FHIP2A: variants seen among roughly 807,000 people sequenced by gnomAD.
The protein encoded by FHIP2A is family with sequence similarity 160 member B1.
Under a neutral mutation model 93.5 loss-of-function variants are expected in FHIP2A, and 46 were observed. That is an observed-to-expected ratio of 0.49 (90% CI 0.39 to 0.63). FHIP2A has a LOEUF of 0.63. Ranked by LOEUF, FHIP2A falls within the 20% of genes least tolerant of loss-of-function variation. FHIP2A has a pLI of 0.00. For synonymous variants in FHIP2A, 332 were observed against 326.5 expected, an observed-to-expected ratio of 1.02 and a Z score of -0.18; for missense variants, 769 against 909.7, an observed-to-expected ratio of 0.85 and a Z score of 1.99.
chr10:114,875,268 AGC>A (rs2083879204), intron 16 of FHIP2A, among the ~76,000 whole-genome samples: 1 of 152,200 alleles, frequency 6.6e-6, no homozygotes, highest in Non-Finnish European at 1.5e-5. Context: ...TTATTACTTA[AGC>A]GATTGATCGT....
chr10:114,836,055 G>T, intron 4 of FHIP2A, 69 bp from the exon 5 acceptor site: 2 of 1,233,976 alleles, frequency 1.6e-6, no homozygotes, highest in South Asian at 3.1e-5. Context: ...TAAGGTAAAT[G>T]AATGGTTATT....
chr10:114,871,019 CAT>C (rs35061998), intron 16 of FHIP2A, among the ~76,000 whole-genome samples: 47,795 of 148,962 alleles, frequency 0.32, 8,161 homozygotes, highest in South Asian at 0.39. Flanking sequence ...TTAGCCTCCA[CAT>C]ATATATATAT....
At chr10:114,873,001 A>G (rs954633056) in intron 16 of FHIP2A, among the ~76,000 whole-genome samples, 1 of 152,212 alleles carries the variant, frequency 6.6e-6, no homozygotes, top group African/African-American at 2.4e-5. Context: ...CAAAGGAGGA[A>G]CATTACTGTA....
chr10:114,854,653 T>A (rs1262095392), intron 13 of FHIP2A, among the ~76,000 whole-genome samples: 1 of 152,234 alleles, frequency 6.6e-6, no homozygotes. Context: ...TGTCCTCATC[T>A]CATTGTGGAC....
chr10:114,868,863 G>A (rs1313214043), downstream of FHIP2A, among the ~76,000 whole-genome samples: 2 of 152,158 alleles, frequency 1.3e-5, no homozygotes, highest in African/African-American at 4.8e-5. Context: ...CAGTTTAGAG[G>A]ATCCAAACAA....
intron 13 of FHIP2A, among the ~76,000 whole-genome samples, chr10:114,850,431 T>G (rs990615150): frequency 5.9e-5 from 9 of 152,190 alleles, no homozygotes; most frequent in Admixed American, 5.9e-4. Context: ...CCCGGCCAAG[T>G]GTGGTGTCTC....
intron 13 of FHIP2A, 128 bp downstream of exon 13, chr10:114,848,865 G>T: frequency 1.6e-6 from 1 of 640,272 alleles, no homozygotes; most frequent in South Asian, 1.9e-5. Flanking sequence ...GACCTGGGCC[G>T]GGTGCAGTGT....
intron 1 of FHIP2A, among the ~76,000 whole-genome samples, chr10:114,825,175 A>G (rs972174256): frequency 1.3e-5 from 2 of 151,846 alleles, no homozygotes; most frequent in Non-Finnish European, 2.9e-5. Flanking sequence ...GCACCACCAC[A>G]CTCAATTTTT....
In FHIP2A at chr10:114,855,184, T is replaced by G; in HGVS notation, c.1804-13T>G. On this transcript the variant is annotated splice_polypyrimidine_tract_variant and intron_variant, in intron 13 of 16. Coordinates refer to ENST00000369248, the MANE Select transcript of FHIP2A (RefSeq NM_020940.4). ...TTTGTTCTTTAATGATTCACATGCT[T>G]TTTTCCCCCTAGTTCCGAGACTACT... is the stretch of plus-strand genomic sequence containing the variant. 9 of 1,596,458 alleles carry G rather than the reference T, an allele frequency of 5.6e-6. No individual in the cohort carries two copies. Among genetic ancestry groups the G allele is most frequent in the Non-Finnish European group, 7.7e-6 (9 of 1,173,220 alleles).
chr10:114,844,243 C>T (rs2083687056), intron 7 of FHIP2A, among the ~76,000 whole-genome samples: 1 of 152,134 alleles, frequency 6.6e-6, no homozygotes, highest in African/African-American at 2.4e-5. Flanking sequence ...AAGAAGGAAT[C>T]TCCTTTTAAA....
At chr10:114,870,555 CAT>C (rs1017171451) in intron 16 of FHIP2A, among the ~76,000 whole-genome samples, 1 of 152,130 alleles carries the variant, frequency 6.6e-6, no homozygotes, top group Non-Finnish European at 1.5e-5. Flanking sequence ...CAGCTAGACA[CAT>C]AAAACACTGT....
intron 5 of FHIP2A, among the ~76,000 whole-genome samples, chr10:114,841,289 T>C (rs1426377075): frequency 7.5e-6 from 1 of 132,532 alleles, no homozygotes; most frequent in Non-Finnish European, 1.6e-5. Flanking sequence ...TGATATGCCA[T>C]TGGTTTTTTT....
intron 12 of FHIP2A, 56 bp downstream of exon 12, chr10:114,847,289 T>C (rs2083707378): frequency 6.7e-7 from 1 of 1,502,538 alleles, no homozygotes; most frequent in South Asian, 1.2e-5. Flanking sequence ...TTTTTGTTTA[T>C]TAGTATTATT....
Position 114,862,430 on chromosome 10 carries a change from G to A in FHIP2A, c.*890G>A, listed in dbSNP as rs2083806116. The A allele has an allele frequency of 1.0e-6, 1 of 987,488 alleles. No individual in the cohort carries two copies. The highest frequency in any genetic ancestry group is 1.2e-6 in the Non-Finnish European group (1 of 830,110). 61.2% of individuals were successfully genotyped at this position (987,488 alleles called of 1,614,324 possible). ...TTTGATTTTCTTACTGAAACGCATG[G>A]TGGTGTCTAGGTGGGGAACTGACTG... On this transcript the variant is annotated 3_prime_UTR_variant, in exon 17 of 17. Transcript: ENST00000369248.
chr10:114,861,026 C>A, intron 15 of FHIP2A, 137 bp downstream of exon 15: 2 of 1,031,892 alleles, frequency 1.9e-6, no homozygotes, highest in Non-Finnish European at 2.8e-6. Flanking sequence ...ACATTCTGAA[C>A]TACTATTTTT....
At position 114,872,904 on chromosome 10, in the gene FHIP2A, A is replaced by G. The variant is rs568630327; in HGVS notation, c.2192+11570A>G. Among the ~76,000 whole-genome samples, 3 of 152,364 alleles carry G rather than the reference A, an allele frequency of 2.0e-5. No individual in the cohort carries two copies. In the East Asian group the frequency reaches 5.8e-4, roughly 29 times the overall value. ...CCTGGTACCAAGCACTGTAACAGGCACAGCTCAGTTTGGAAAACAGAAACC... is the reference window on the plus strand; with the variant it reads ...CCTGGTACCAAGCACTGTAACAGGCGCAGCTCAGTTTGGAAAACAGAAACC... On this transcript the variant is annotated intron_variant, in intron 16 of 16. Transcript: ENST00000369250.
intron 16 of FHIP2A, among the ~76,000 whole-genome samples, chr10:114,898,302 G>A (rs1000106786): frequency 6.6e-6 from 1 of 152,138 alleles, no homozygotes; most frequent in Non-Finnish European, 1.5e-5. Context: ...CAGTTCCAGT[G>A]TTATTCTTTC....
At chr10:114,823,701 G>A (rs1156318378) in intron 1 of FHIP2A, among the ~76,000 whole-genome samples, 1 of 148,156 alleles carries the variant, frequency 6.7e-6, no homozygotes, top group Non-Finnish European at 1.5e-5. Context: ...GTTTCACCAT[G>A]TTAGCCAGGC....
In FHIP2A at chr10:114,842,990, T is replaced by G; in HGVS notation, c.580T>G (p.Leu194Val). ...ACCAAATGTAATTTCAGAAGATACA[T>G]TAAAAGGTCAGGATTCCTTGTCAAC... Reference protein sequence around the residue: ...GVPNVISEDTLKGQDSLSTDT... With the variant: ...GVPNVISEDTVKGQDSLSTDT... The change falls in exon 6 of 17, where the codon TTA (leucine) becomes GTA (valine). Residue 194 changes from leucine to valine, a missense_variant. Physicochemically the swap from Leu to Val is conservative, Grantham distance 32. Coordinates refer to ENST00000369248, the MANE Select transcript of FHIP2A (RefSeq NM_020940.4). The G allele has an allele frequency of 2.5e-6, 4 of 1,612,866 alleles. No individual in the cohort carries two copies. The highest frequency in any genetic ancestry group is 3.4e-6 in the Non-Finnish European group (4 of 1,178,928).
Sources: allele counts gnomAD v4.1 joint callset (sites outside exome capture counted in the v4.1 genomes callset), GRCh38; gene constraint gnomAD v4.1.1; transcripts MANE v1.5; gene names NCBI Gene and HGNC (gene_info 2026-07-23, HGNC 2026-07-21).